The following CNTN5 variants were observed in gnomAD, a reference collection of about 807,000 sequenced individuals.
The protein encoded by CNTN5 is contactin-5.
In CNTN5, 77 loss-of-function variants were observed where a neutral mutation model predicts 129.1. That is an observed-to-expected ratio of 0.60 (90% CI 0.50 to 0.72). CNTN5 has a LOEUF of 0.72. CNTN5 is among the 30% of genes least tolerant of loss of function. The pLI, the probability that CNTN5 is intolerant of heterozygous loss-of-function variation, is 0.00. For synonymous variants in CNTN5, 509 were observed against 465.6 expected (o/e 1.09, Z -1.20); for missense variants, 1,478 against 1,328.8 (o/e 1.11, Z -1.75).
chr11:99,318,127 T>C (rs1363454484), intron 1 of CNTN5, among the ~76,000 whole-genome samples: 3 of 152,352 alleles, frequency 2.0e-5, no homozygotes, highest in East Asian at 1.9e-4. Flanking sequence ...AGAAATATCT[T>C]CTTACATGTA....
intron 7 of CNTN5, among the ~76,000 whole-genome samples, chr11:99,930,800 C>CACACACAA (rs1950174763): frequency 6.6e-6 from 1 of 151,280 alleles, no homozygotes; most frequent in Admixed American, 6.6e-5. Flanking sequence ...CACACAAACA[C>CACACACAA]ACACACACAC....
intron 17 of CNTN5, 131 bp downstream of exon 17, chr11:100,256,049 A>G: frequency 1.2e-6 from 1 of 803,540 alleles, no homozygotes; most frequent in South Asian, 2.1e-5. Context: ...AATATTGACA[A>G]TTCTTTGCTT....
chr11:99,829,834 T>C (rs999046036), intron 4 of CNTN5, among the ~76,000 whole-genome samples: 1 of 152,180 alleles, frequency 6.6e-6, no homozygotes, highest in African/African-American at 2.4e-5. Flanking sequence ...AAAGCTCTTA[T>C]GAGTTAACAC....
At chr11:99,384,487 A>T (rs1232400402) in intron 2 of CNTN5, among the ~76,000 whole-genome samples, 1 of 152,198 alleles carries the variant, frequency 6.6e-6, no homozygotes, top group Non-Finnish European at 1.5e-5. Flanking sequence ...CAACCGAGGG[A>T]CTCAGGACAC....
At chr11:99,681,290 C>T (rs919117225) in intron 3 of CNTN5, among the ~76,000 whole-genome samples, 2 of 152,062 alleles carry the variant, frequency 1.3e-5, no homozygotes. Flanking sequence ...AGATGCCTTA[C>T]AGTGAGTAAA....
chr11:99,034,447 C>A (rs7396885), intron 1 of CNTN5, among the ~76,000 whole-genome samples: 2 of 144,842 alleles, frequency 1.4e-5, no homozygotes, highest in East Asian at 2.0e-4. Flanking sequence ...CAATTTCAGA[C>A]CCTGTTATTG....
Position 99,593,303 on chromosome 11 carries a change from TAAC to T in CNTN5, c.55+37041_55+37043del, listed in dbSNP as rs201164635. ...AGGATATGTAATAAAAATAAATAAA[TAAC>T]AACAACTCTGTGTTCCAGGCCAACA... is the stretch of plus-strand genomic sequence containing the variant. On this transcript the variant is annotated intron_variant, in intron 3 of 24. Coordinates refer to ENST00000524871, the MANE Select transcript of CNTN5 (RefSeq NM_014361.4). 9.1e-3 allele frequency among the ~76,000 whole-genome samples: 1,391 copies of T among 152,216 alleles called. 16 individuals are homozygous for T. The highest frequency in any genetic ancestry group is 0.027 in the South Asian group (130 of 4,822).
At chr11:99,984,076 C>T (rs553004111) in intron 8 of CNTN5, among the ~76,000 whole-genome samples, 1 of 151,860 alleles carries the variant, frequency 6.6e-6, no homozygotes, top group South Asian at 2.1e-4. Flanking sequence ...GAGACCAGCC[C>T]GGCCAACATG....
At chr11:99,873,895 TATC>T (rs1307298132) in intron 6 of CNTN5, among the ~76,000 whole-genome samples, 5 of 152,090 alleles carry the variant, frequency 3.3e-5, no homozygotes, top group Non-Finnish European at 7.4e-5. Flanking sequence ...AAAAGAATGA[TATC>T]ATATCCTTTG....
chr11:99,795,457 G>A (rs1391828174), intron 3 of CNTN5, among the ~76,000 whole-genome samples: 1 of 152,052 alleles, frequency 6.6e-6, no homozygotes, highest in Non-Finnish European at 1.5e-5. Context: ...ATCATTTTCT[G>A]GGGAACTAGC....
chr11:99,312,764 A>G (rs74758892), intron 1 of CNTN5, among the ~76,000 whole-genome samples: 13,736 of 152,072 alleles, frequency 0.09, 654 homozygotes, highest in South Asian at 0.13. Context: ...ATTCCAAAAA[A>G]TCCTACATGA....
chr11:100,167,734 A>G (rs1233311375), intron 13 of CNTN5, among the ~76,000 whole-genome samples: 2 of 151,898 alleles, frequency 1.3e-5, no homozygotes, highest in African/African-American at 4.8e-5. Context: ...CTGACTGAAG[A>G]ATGGGTGTCA....
intron 3 of CNTN5, among the ~76,000 whole-genome samples, chr11:99,662,420 C>A (rs534193033): frequency 6.6e-6 from 1 of 151,936 alleles, no homozygotes. Flanking sequence ...ATAATGTTAT[C>A]GAAATTTCAT....
At position 99,934,898 on chromosome 11, in the gene CNTN5, GTATATATATATATATATATATATATATA is replaced by G. The variant is rs200635742; in HGVS notation, c.673+18772_673+18799del. Among the ~76,000 whole-genome samples, 574 of 67,948 alleles carry G rather than the reference GTATATATATATATATATATATATATATA, an allele frequency of 8.4e-3. 17 individuals are homozygous for G. The highest frequency in any genetic ancestry group is 0.01 in the Admixed American group (71 of 7,042). The allele number at this position is 67,948 out of a possible 152,430, so 44.6% of individuals were successfully genotyped here. ...TGTGTGTGTGTGTGTGTGTGTGTGT[GTATATATATATATATATATATATATATA>G]TATATATATATATATATATATACAC... On this transcript the variant is annotated intron_variant, in intron 7 of 24. Coordinates refer to ENST00000524871, the MANE Select transcript of CNTN5 (RefSeq NM_014361.4).
intron 8 of CNTN5, among the ~76,000 whole-genome samples, chr11:99,980,925 A>C (rs961938556): frequency 6.6e-6 from 1 of 151,818 alleles, no homozygotes; most frequent in African/African-American, 2.4e-5. Flanking sequence ...TAATGATTGA[A>C]GTATAAACAG....
chr11:99,778,817 C>T (rs554331112), intron 3 of CNTN5, among the ~76,000 whole-genome samples: 31 of 151,576 alleles, frequency 2.0e-4, no homozygotes, highest in Admixed American at 5.3e-4. Flanking sequence ...TTCACCATTT[C>T]TGAATTTAAT....
chr11:100,190,365 A>G (rs1948442575), intron 13 of CNTN5, among the ~76,000 whole-genome samples: 1 of 152,156 alleles, frequency 6.6e-6, no homozygotes, highest in Non-Finnish European at 1.5e-5. Flanking sequence ...AGAAAAGGAC[A>G]AAAGTACTAA....
intron 13 of CNTN5, among the ~76,000 whole-genome samples, chr11:100,078,746 A>G (rs1944244266): frequency 6.6e-6 from 1 of 152,132 alleles, no homozygotes; most frequent in Non-Finnish European, 1.5e-5. Flanking sequence ...AGTGTATGAC[A>G]TCTACTCAGT....
Position 100,162,376 on chromosome 11 carries a change from T to A in CNTN5, c.1581-28750T>A, listed in dbSNP as rs1478548847. Among the ~76,000 whole-genome samples the A allele has an allele frequency of 3.3e-5, 5 of 151,966 alleles. No homozygotes were observed. In the East Asian group the frequency reaches 9.7e-4, roughly 29 times the overall value. On this transcript the variant is annotated intron_variant, in intron 13 of 24. Coordinates refer to ENST00000524871, the MANE Select transcript of CNTN5 (RefSeq NM_014361.4). ...TAAACAGAACTAACTAGCAATGTTTTGTTAGCCTAATACTAGTTATTGTAT... is the reference window on the plus strand; with the variant it reads ...TAAACAGAACTAACTAGCAATGTTTAGTTAGCCTAATACTAGTTATTGTAT...
Sources: allele counts gnomAD v4.1 joint callset (sites outside exome capture counted in the v4.1 genomes callset), GRCh38; gene constraint gnomAD v4.1.1; transcripts MANE v1.5; gene names NCBI Gene and HGNC (gene_info 2026-07-23, HGNC 2026-07-21).